The following PTPRQ variants were observed in gnomAD, a reference collection of about 807,000 sequenced individuals.
PTPRQ encodes phosphatidylinositol phosphatase PTPRQ.
PTPRQ carries 199 observed loss-of-function variants against 246.0 expected under a neutral mutation model. The ratio of observed to expected loss-of-function variants is 0.81; its 90% CI spans 0.72 to 0.91. The LOEUF (loss-of-function observed/expected upper bound fraction) is 0.91, where lower values mean the gene tolerates loss of function less well. Ranked by LOEUF, PTPRQ falls within the 40% of genes least tolerant of loss-of-function variation. The pLI, the probability that PTPRQ is intolerant of heterozygous loss-of-function variation, is 0.00. For missense variants in PTPRQ, 2,624 were observed against 2,528.4 expected (o/e 1.04, Z -0.81); for synonymous variants, 869 against 853.2 (o/e 1.02, Z -0.32).
intron 7 of PTPRQ, among the ~76,000 whole-genome samples, chr12:80,470,750 A>G (rs1360664421): frequency 6.6e-6 from 1 of 152,168 alleles, no homozygotes; most frequent in African/African-American, 2.4e-5. Context: ...CAAAAATAAA[A>G]TAGGTGATTA....
intron 27 of PTPRQ, among the ~76,000 whole-genome samples, chr12:80,609,669 T>G (rs1898475095): frequency 6.6e-6 from 1 of 150,538 alleles, no homozygotes; most frequent in African/African-American, 2.4e-5. Context: ...AATTATGACA[T>G]CCACAATTAA....
At chr12:80,652,682 A>G in intron 37 of PTPRQ, 62 bp from the exon 38 acceptor site, 1 of 1,419,442 alleles carries the variant, frequency 7.0e-7, no homozygotes, top group African/African-American at 1.5e-5. Flanking sequence ...CTGTCTTTTA[A>G]TAAGTGAAAT....
At chr12:80,478,711 G>A (rs565843580) in intron 8 of PTPRQ, among the ~76,000 whole-genome samples, 12 of 152,266 alleles carry the variant, frequency 7.9e-5, no homozygotes, top group South Asian at 6.2e-4. Context: ...ACCAAGGCTC[G>A]AGAACTACGT....
chr12:80,452,665 C>A (rs1051873452), intron 3 of PTPRQ, among the ~76,000 whole-genome samples: 4 of 152,144 alleles, frequency 2.6e-5, no homozygotes, highest in Admixed American at 2.0e-4. Flanking sequence ...GTTGCAAATT[C>A]TTTTCTTTAA....
intron 8 of PTPRQ, among the ~76,000 whole-genome samples, chr12:80,481,905 G>A (rs1894076259): frequency 6.7e-6 from 1 of 149,874 alleles, no homozygotes; most frequent in Non-Finnish European, 1.5e-5. Context: ...AACATTCCAT[G>A]CTCATGGGTA....
At chr12:80,473,970 G>C (rs1450476110) in intron 8 of PTPRQ, among the ~76,000 whole-genome samples, 1 of 152,166 alleles carries the variant, frequency 6.6e-6, no homozygotes, top group South Asian at 2.1e-4. Context: ...CCAAAGGCAG[G>C]GTTGGCATGG....
At chr12:80,612,340 G>A (rs767709892) in intron 28 of PTPRQ, among the ~76,000 whole-genome samples, 1 of 150,184 alleles carries the variant, frequency 6.7e-6, no homozygotes, top group East Asian at 2.0e-4. Context: ...TTAGAAAATT[G>A]GCAGAAGACA....
At chr12:80,635,937 G>C (rs1899631459) in intron 35 of PTPRQ, among the ~76,000 whole-genome samples, 2 of 151,988 alleles carry the variant, frequency 1.3e-5, no homozygotes, top group South Asian at 4.2e-4. Flanking sequence ...CAAATGTCTT[G>C]GACTCAAAAA....
intron 3 of PTPRQ, among the ~76,000 whole-genome samples, chr12:80,451,020 C>G (rs7964395): frequency 0.096 from 14,613 of 151,998 alleles, 1,500 homozygotes; most frequent in African/African-American, 0.25. Context: ...GACTCTTTTT[C>G]GTTGGCAAGC....
chr12:80,670,950 C>A (rs1900949440), intron 42 of PTPRQ, among the ~76,000 whole-genome samples: 1 of 151,892 alleles, frequency 6.6e-6, no homozygotes, highest in Admixed American at 6.6e-5. Flanking sequence ...GTAAAATGGT[C>A]AAAATGGTAG....
intron 6 of PTPRQ, chr12:80,462,167 T>C (rs1893205999): frequency 4.9e-6 from 1 of 205,612 alleles, no homozygotes; most frequent in Non-Finnish European, 1.0e-5. Flanking sequence ...ACCCGAATAC[T>C]GCGCTTTTCC....
intron 33 of PTPRQ, among the ~76,000 whole-genome samples, chr12:80,625,252 G>A (rs1445901054): frequency 6.6e-6 from 1 of 152,084 alleles, no homozygotes; most frequent in East Asian, 1.9e-4. Context: ...GTCATGTGTT[G>A]GGATATATGA....
Position 80,478,577 on chromosome 12 carries a change from T to C in PTPRQ, c.1187-5856T>C, listed in dbSNP as rs559869495. Among the ~76,000 whole-genome samples the C allele has an allele frequency of 2.0e-5, 3 of 152,244 alleles. No individual in the cohort carries two copies. In the East Asian group the frequency reaches 5.8e-4, roughly 29 times the overall value. ...GAAGCTTCAGACGATCAAATTACTC[T>C]GAGCTACAGGAGGACATTCAAACCA... On this transcript the variant is annotated intron_variant, in intron 8 of 44. Coordinates refer to ENST00000644991, the MANE Select transcript of PTPRQ (RefSeq NM_001145026.2).
In PTPRQ at chr12:80,444,727, T is replaced by A. The variant is rs916634263; in HGVS notation, c.55-14T>A. Reference sequence around the variant, plus strand: ...AAAGAATTTTAATGCAACTATTTGTTTGTGGTGTTCTAGGTTGATGTTTCC... The same window carrying A: ...AAAGAATTTTAATGCAACTATTTGTATGTGGTGTTCTAGGTTGATGTTTCC... On this transcript the variant is annotated splice_polypyrimidine_tract_variant and intron_variant, in intron 1 of 44. Transcript: ENST00000644991. The A allele has an allele frequency of 9.2e-6, 14 of 1,517,600 alleles. No homozygotes were observed. Among genetic ancestry groups the A allele is most frequent in the Non-Finnish European group, 1.3e-5 (14 of 1,119,570 alleles). The allele number at this position is 1,517,600 out of a possible 1,614,324, so 94.0% of individuals were successfully genotyped here. A position where few individuals can be genotyped will look rare whatever the true frequency, so the allele number is the denominator to read the frequency against.
In PTPRQ at chr12:80,605,120, A is replaced by G. The variant is rs1203741980; in HGVS notation, c.4671A>G (p.Ile1557Met). 8 of 1,545,638 alleles carry G rather than the reference A, an allele frequency of 5.2e-6. No homozygotes were observed. The highest frequency in any genetic ancestry group is 2.0e-5 in the Admixed American group (1 of 50,610). The part of the protein sequence containing the change: ...VVATSPFSIS[I>M]SWSEPAVITG... ...CAACATCACCTTTTAGCATCAGCAT[A>G]AGCTGGAGTGAACCTGCTGTCATTA... The change falls in exon 27 of 45, where the codon ATA becomes ATG. Residue 1557 changes from isoleucine to methionine, a missense_variant. Ile to Met is a conservative substitution (Grantham distance 10). Coordinates refer to ENST00000644991, the MANE Select transcript of PTPRQ (RefSeq NM_001145026.2).
intron 35 of PTPRQ, among the ~76,000 whole-genome samples, chr12:80,645,776 C>T (rs12317585): frequency 0.23 from 35,163 of 151,618 alleles, 6,807 homozygotes; most frequent in African/African-American, 0.53. Flanking sequence ...TTCCGTTGTA[C>T]GAAGAATGCC....
chr12:80,613,393 G>A (rs1375273614), intron 28 of PTPRQ, among the ~76,000 whole-genome samples, 199 bp from the exon 29 acceptor site: 3 of 150,552 alleles, frequency 2.0e-5, no homozygotes, highest in Non-Finnish European at 3.0e-5. Flanking sequence ...CAAACAAACT[G>A]GATCACCATT....
intron 35 of PTPRQ, among the ~76,000 whole-genome samples, chr12:80,642,937 A>AACAAAAAC (rs1565837040): frequency 6.7e-6 from 1 of 149,060 alleles, no homozygotes; most frequent in Non-Finnish European, 1.5e-5. Flanking sequence ...AAAAAAAAAA[A>AACAAAAAC]AAAAAAAAAC....
chr12:80,596,470 A>G (rs1897973597), intron 26 of PTPRQ, among the ~76,000 whole-genome samples: 2 of 152,026 alleles, frequency 1.3e-5, no homozygotes, highest in Admixed American at 6.6e-5. Context: ...TTCATAAAGG[A>G]AAAAGGGGAG....
Sources: allele counts gnomAD v4.1 joint callset (sites outside exome capture counted in the v4.1 genomes callset), GRCh38; gene constraint gnomAD v4.1.1; transcripts MANE v1.5; gene names NCBI Gene and HGNC (gene_info 2026-07-23, HGNC 2026-07-21).